Variants in MYCBP2 observed in about 807,000 individuals in gnomAD.
MYCBP2 encodes E3 ubiquitin-protein ligase MYCBP2.
Under a neutral mutation model 525.3 loss-of-function variants are expected in MYCBP2, and 120 were observed. The observed-to-expected ratio is 0.23, with a 90% CI of 0.20 to 0.27. The LOEUF is 0.27. Ranked by LOEUF, MYCBP2 falls within the 10% of genes least tolerant of loss-of-function variation. The pLI is 1.00. For synonymous variants in MYCBP2, 1,894 were observed against 1,955.8 expected (o/e 0.97, Z 0.83); for missense variants, 4,149 against 5,657.1 (o/e 0.73, Z 8.55).
At chr13:77,238,951 T>C (rs1256414191) in intron 17 of MYCBP2, among the ~76,000 whole-genome samples, 1 of 152,094 alleles carries the variant, frequency 6.6e-6, no homozygotes, top group African/African-American at 2.4e-5. Flanking sequence ...TGAAACCCCA[T>C]CTCTAACAAA....
chr13:77,079,575 G>C (rs1235699407), intron 65 of MYCBP2, among the ~76,000 whole-genome samples: 1 of 152,170 alleles, frequency 6.6e-6, no homozygotes, highest in African/African-American at 2.4e-5. Context: ...TGTGTACAAG[G>C]CTCTGTGGTA....
rs754466452 is a variant in MYCBP2, at chr13:77,174,502, G to A, written c.5473-13C>T. ...ATTTAACATTTTCCTTCATTATAAAGATGTAAAACATCTTTTATTCACAAT... is the reference window on the plus strand; with the variant it reads ...ATTTAACATTTTCCTTCATTATAAAAATGTAAAACATCTTTTATTCACAAT... On this transcript the variant is annotated splice_polypyrimidine_tract_variant and intron_variant, in intron 36 of 82. Coordinates refer to ENST00000544440, the MANE Select transcript of MYCBP2 (RefSeq NM_015057.5). 1 of 1,607,010 alleles carries A rather than the reference G, an allele frequency of 6.2e-7. No homozygotes were observed. The highest frequency in any genetic ancestry group is 1.1e-5 in the South Asian group (1 of 90,716).
chr13:77,184,542 C>T (rs190374005), intron 32 of MYCBP2, among the ~76,000 whole-genome samples: 48 of 152,244 alleles, frequency 3.2e-4, no homozygotes, highest in Non-Finnish European at 6.2e-4. Flanking sequence ...AAATCTGCAT[C>T]GCTGATGTTT....
chr13:77,093,069 G>T, intron 59 of MYCBP2, 96 bp downstream of exon 59: 1 of 1,225,954 alleles, frequency 8.2e-7, no homozygotes, highest in Non-Finnish European at 1.1e-6. Context: ...CTGGCTCACA[G>T]ATGTATTAAA....
chr13:77,085,810 T>G (rs911952446), intron 62 of MYCBP2, among the ~76,000 whole-genome samples: 1 of 152,126 alleles, frequency 6.6e-6, no homozygotes, highest in Non-Finnish European at 1.5e-5. Flanking sequence ...AAAGAGTCAT[T>G]CCTCTCAGTG....
intron 82 of MYCBP2, among the ~76,000 whole-genome samples, chr13:77,045,804 A>T (rs1164298496): frequency 6.6e-6 from 1 of 152,232 alleles, no homozygotes; most frequent in Non-Finnish European, 1.5e-5. Context: ...ATTTTAAAAC[A>T]GAGTAATGAA....
At chr13:77,064,552 T>G in intron 73 of MYCBP2, 63 bp downstream of exon 73, 5 of 1,490,158 alleles carry the variant, frequency 3.4e-6, no homozygotes, top group Non-Finnish European at 4.5e-6. Context: ...AATCTATTAC[T>G]AAAAAAGAAC....
At chr13:77,244,110 A>G (rs1433490090) in intron 15 of MYCBP2, among the ~76,000 whole-genome samples, 159 bp from the exon 16 acceptor site, 1 of 152,236 alleles carries the variant, frequency 6.6e-6, no homozygotes, top group Non-Finnish European at 1.5e-5. Context: ...TTTTAAAGAA[A>G]AGATATAAAT....
Position 77,205,551 on chromosome 13 carries a change from C to G in MYCBP2, c.3637G>C (p.Ala1213Pro). Reference protein sequence around the residue: ...AAMQDLKMGVASTEEETQAVM... With the variant: ...AAMQDLKMGVPSTEEETQAVM... ...GCTTGAGTCTCTTCCTCTGTACTTG[C>G]AACACCCATTTTTAAGTCCTGCATA... Residue 1213 changes from alanine to proline, a missense_variant, in exon 25 of 83, where the codon GCA becomes CCA. Ala to Pro is a conservative substitution (Grantham distance 27). Coordinates refer to ENST00000544440, the MANE Select transcript of MYCBP2 (RefSeq NM_015057.5). The G allele has an allele frequency of 6.2e-7, 1 of 1,613,478 alleles. No homozygotes were observed. Among genetic ancestry groups the G allele is most frequent in the Non-Finnish European group, 8.5e-7 (1 of 1,179,778 alleles).
chr13:77,267,418 T>C (rs1404127384), intron 8 of MYCBP2, among the ~76,000 whole-genome samples: 1 of 149,464 alleles, frequency 6.7e-6, no homozygotes, highest in African/African-American at 2.4e-5. Context: ...TAAAATTAAA[T>C]TAAATTAAAT....
At chr13:77,259,702 C>T (rs1265563191) in intron 13 of MYCBP2, among the ~76,000 whole-genome samples, 1 of 152,146 alleles carries the variant, frequency 6.6e-6, no homozygotes, top group East Asian at 1.9e-4. Flanking sequence ...ACATATATTT[C>T]TAATCATAAA....
chr13:77,098,465 T>C lies in MYCBP2; in HGVS notation c.8689A>G (p.Thr2897Ala), dbSNP rs773154673. ...GGTACTGATTTTGGTTTTGGTGACG[T>C]TGACCGTCCTCTCAAAGGTTCTGTG... ...PLTEPLRGRS[T>A]SPKPKSVPKD... Residue 2897 changes from threonine (T) to alanine (A), a missense_variant, in exon 56 of 83, where the codon ACG (threonine) becomes GCG (alanine). Thr to Ala is a moderately conservative substitution (Grantham distance 58). Around this residue, in one of 21 missense-constraint regions of MYCBP2, gnomAD observed 653 missense variants for 744.7 expected, o/e 0.88. Coordinates refer to ENST00000544440, the MANE Select transcript of MYCBP2 (RefSeq NM_015057.5). 2.5e-6 allele frequency: 4 copies of C among 1,613,710 alleles called. No homozygotes were observed. The highest frequency in any genetic ancestry group is 3.4e-6 in the Non-Finnish European group (4 of 1,179,802).
At chr13:77,298,768 T>G (rs1029263338) in intron 1 of MYCBP2, among the ~76,000 whole-genome samples, 1 of 152,202 alleles carries the variant, frequency 6.6e-6, no homozygotes, top group Non-Finnish European at 1.5e-5. Flanking sequence ...GGATGAGATT[T>G]CCACAAGATA....
chr13:77,147,918 G>T (rs2055863717), intron 47 of MYCBP2, among the ~76,000 whole-genome samples: 1 of 152,034 alleles, frequency 6.6e-6, no homozygotes, highest in Admixed American at 6.5e-5. Context: ...ATACTGTTTG[G>T]GAATGGTATT....
At chr13:77,310,525 T>A (rs1409763787) in intron 1 of MYCBP2, among the ~76,000 whole-genome samples, 2 of 152,110 alleles carry the variant, frequency 1.3e-5, no homozygotes, top group African/African-American at 4.8e-5. Context: ...CTATGGCCCA[T>A]AAAGTCTAAG....
chr13:77,050,160 C>T (rs1388659762), intron 82 of MYCBP2, among the ~76,000 whole-genome samples: 7 of 152,068 alleles, frequency 4.6e-5, no homozygotes, highest in Non-Finnish European at 1.0e-4. Context: ...AGCTATATCC[C>T]TGAAGAGGGA....
At position 77,087,548 on chromosome 13, in the gene MYCBP2, G is replaced by A. The variant is rs373818917; in HGVS notation, c.10811C>T (p.Ala3604Val). The A allele has an allele frequency of 1.9e-6, 3 of 1,612,930 alleles. No individual in the cohort carries two copies. In the African/African-American group the frequency reaches 4.0e-5, roughly 22 times the overall value. The change falls in exon 62 of 83, where the codon GCA (alanine) becomes GTA (valine). Residue 3604 changes from alanine (A) to valine (V), a missense_variant. Around this residue, in one of 21 missense-constraint regions of MYCBP2, gnomAD observed 509 missense variants for 789.4 expected, o/e 0.64. Coordinates refer to ENST00000544440, the MANE Select transcript of MYCBP2 (RefSeq NM_015057.5). ...CTCTTCTTCCTCTGGTTCCACTGGT[G>A]CAGGAGTCAGTGATGCCACAAAATG... Reference protein sequence around the residue: ...LWHFVASLTPAPVEPEEEEDE... With the variant: ...LWHFVASLTPVPVEPEEEEDE...
At chr13:77,237,039 C>T (rs1308516010) in intron 17 of MYCBP2, among the ~76,000 whole-genome samples, 2 of 152,064 alleles carry the variant, frequency 1.3e-5, no homozygotes, top group Non-Finnish European at 2.9e-5. Flanking sequence ...ACTCTCTGCC[C>T]CACACATTCT....
At chr13:77,265,894 T>C (rs1459567093) in intron 8 of MYCBP2, among the ~76,000 whole-genome samples, 1 of 152,188 alleles carries the variant, frequency 6.6e-6, no homozygotes, top group African/African-American at 2.4e-5. Context: ...TCAAGCAACA[T>C]CTGCCAGTTC....
Sources: gnomAD v4.1 joint callset for allele counts (sites outside exome capture counted in the v4.1 genomes callset) on GRCh38, gnomAD v4.1.1 for gene constraint, gnomAD v4.1.1 regional missense constraint, MANE v1.5 for transcripts, NCBI Gene and HGNC (gene_info 2026-07-23, HGNC 2026-07-21) for gene names.